The following GLYATL1 variants were observed in gnomAD, a reference collection of about 807,000 sequenced individuals.
GLYATL1 encodes glycine N-acyltransferase-like protein 1.
Under a neutral mutation model 20.0 loss-of-function variants are expected in GLYATL1, and 15 were observed. The observed-to-expected ratio is 0.75, with a 90% CI of 0.50 to 1.15. GLYATL1 has a LOEUF of 1.15. Ranked by LOEUF, GLYATL1 falls within the 50% of genes most tolerant of loss-of-function variation. GLYATL1 has a pLI of 0.00. For missense variants in GLYATL1, 380 were observed against 368.5 expected (o/e 1.03, Z -0.26); for synonymous variants, 151 against 131.5 (o/e 1.15, Z -1.01).
At position 58,955,971 on chromosome 11, in the gene GLYATL1, G is replaced by A. The variant is rs143217514; in HGVS notation, c.853G>A (p.Ala285Thr). Reference sequence around the variant, plus strand: ...TGTGGGGCAGTTTGGTTTCTTTGAGGCCTCCTGTGAGTGGCACCAATGGAC... The same window carrying A: ...TGTGGGGCAGTTTGGTTTCTTTGAGACCTCCTGTGAGTGGCACCAATGGAC... Reference protein sequence around the residue: ...RFVGQFGFFEASCEWHQWTCY... With the variant: ...RFVGQFGFFETSCEWHQWTCY... Residue 285 changes from alanine (A) to threonine (T), a missense_variant, in exon 7 of 7, where the codon GCC (alanine) becomes ACC (threonine). Transcript: ENST00000532726. 2.0e-5 allele frequency: 32 copies of A among 1,613,908 alleles called. No individual in the cohort carries two copies. Among genetic ancestry groups the A allele is most frequent in the Non-Finnish European group, 2.7e-5 (32 of 1,179,918 alleles).
At chr11:58,909,735 T>A (rs1590764699), downstream of GLYATL1, among the ~76,000 whole-genome samples, 1 of 152,318 alleles carries the variant, frequency 6.6e-6, no homozygotes, top group East Asian at 1.9e-4. Flanking sequence ...GGTAGTGTGG[T>A]GCCAAGATCT....
downstream of GLYATL1, among the ~76,000 whole-genome samples, chr11:58,911,667 C>T (rs552630945): frequency 6.6e-6 from 1 of 152,112 alleles, no homozygotes; most frequent in Admixed American, 6.5e-5. Context: ...TTAGTTATAT[C>T]TGAGTTTTGA....
upstream of GLYATL1, among the ~76,000 whole-genome samples, chr11:58,925,083 T>A (rs1855396881): frequency 6.6e-6 from 1 of 152,174 alleles, no homozygotes; most frequent in African/African-American, 2.4e-5. Context: ...TGGCTTGAGT[T>A]TTTTTTCTTT....
intron 1 of GLYATL1, among the ~76,000 whole-genome samples, chr11:58,941,192 C>T: frequency 1.1e-5 from 1 of 95,078 alleles, no homozygotes; most frequent in Non-Finnish European, 2.0e-5. Flanking sequence ...CCTCCCCCCT[C>T]CCCCCACCCC....
downstream of GLYATL1, among the ~76,000 whole-genome samples, chr11:58,909,125 A>G (rs1854978823): frequency 6.6e-6 from 1 of 152,222 alleles, no homozygotes; most frequent in Non-Finnish European, 1.5e-5. Flanking sequence ...AGAGAGAAGA[A>G]TTCTTAATTC....
At chr11:58,937,611 G>A (rs150942350), upstream of GLYATL1, among the ~76,000 whole-genome samples, 1 of 152,036 alleles carries the variant, frequency 6.6e-6, no homozygotes, top group Non-Finnish European at 1.5e-5. Context: ...TTGACTGTTC[G>A]GTCCGTGCCT....
chr11:58,956,219 GGGAGGGTAT>G lies in GLYATL1; in HGVS notation c.*193_*201del. 1.7e-6 allele frequency: 1 copy of G among 600,514 alleles called. No homozygotes were observed. Among genetic ancestry groups the G allele is most frequent in the Non-Finnish European group, 2.9e-6 (1 of 343,112 alleles). The allele number at this position is 600,514 out of a possible 1,614,324, so 37.2% of individuals were successfully genotyped here. A position where few individuals can be genotyped will look rare whatever the true frequency, so the allele number is the denominator to read the frequency against. On this transcript the variant is annotated 3_prime_UTR_variant, in exon 7 of 7. Coordinates refer to ENST00000532726, the MANE Select transcript of GLYATL1 (RefSeq NM_001389712.2). ...AGCTTACAATCCTGGCTGGAGGCAG[GGGAGGGTAT>G]ATTCTTTAAATATGCTTAAGTGTTA...
At chr11:58,948,697 A>G (rs1856762035) in intron 4 of GLYATL1, among the ~76,000 whole-genome samples, 1 of 152,204 alleles carries the variant, frequency 6.6e-6, no homozygotes, top group Admixed American at 6.5e-5. Flanking sequence ...GAAGGGACTC[A>G]TAATTACTGT....
chr11:58,947,369 A>T, intron 3 of GLYATL1: 1 of 660,966 alleles, frequency 1.5e-6, no homozygotes, highest in Non-Finnish European at 2.5e-6. Context: ...AGGTTTTGCC[A>T]CTCATTTGGA....
At chr11:58,947,216 A>G in intron 3 of GLYATL1, 51 bp downstream of exon 3, 1 of 1,579,238 alleles carries the variant, frequency 6.3e-7, no homozygotes, top group Non-Finnish European at 8.6e-7. Flanking sequence ...GTTGAGGATG[A>G]GAAAATAGCA....
chr11:58,906,671 C>G (rs371373601), intron 1 of GLYATL1, among the ~76,000 whole-genome samples: 8 of 152,140 alleles, frequency 5.3e-5, no homozygotes, highest in Non-Finnish European at 8.8e-5. Context: ...TGGTAATTAG[C>G]AAAGATTCAT....
At chr11:58,935,923 A>T (rs1323283269), upstream of GLYATL1, among the ~76,000 whole-genome samples, 1 of 152,226 alleles carries the variant, frequency 6.6e-6, no homozygotes. Flanking sequence ...TATGTCAATT[A>T]TACCTCCATA....
chr11:58,939,340 T>C (rs1390189375), upstream of GLYATL1: 1 of 152,204 alleles, frequency 6.6e-6, no homozygotes, highest in Non-Finnish European at 1.5e-5. Flanking sequence ...CGAGCTTGCA[T>C]CTCCTCTGCT....
rs771130275 is a variant in GLYATL1, at chr11:58,954,783, A to G, written c.200A>G (p.Asp67Gly). The change falls in exon 5 of 7, where the codon GAC becomes GGC. Residue 67 changes from aspartate to glycine, a missense_variant. Asp to Gly is a moderately conservative substitution (Grantham distance 94). Transcript: ENST00000532726. ...IRPQKQEMTD[D>G]MDSYTNVYRM... Reference sequence around the variant, plus strand: ...CATCCAATACAGGAGATGACTGATGACATGGATTCATACACAAACGTATAT... The same window carrying G: ...CATCCAATACAGGAGATGACTGATGGCATGGATTCATACACAAACGTATAT... 5.6e-6 allele frequency: 9 copies of G among 1,605,458 alleles called. No homozygotes were observed. In the East Asian group the frequency reaches 1.6e-4, roughly 28 times the overall value.
intron 4 of GLYATL1, among the ~76,000 whole-genome samples, chr11:58,950,287 G>A (rs533741175): frequency 3.4e-5 from 5 of 149,144 alleles, no homozygotes; most frequent in South Asian, 4.2e-4. Flanking sequence ...GCGAGACTCC[G>A]TCTAAAAAAA....
chr11:58,908,988 C>T (rs1278010130), downstream of GLYATL1, among the ~76,000 whole-genome samples: 1 of 152,172 alleles, frequency 6.6e-6, no homozygotes, highest in Non-Finnish European at 1.5e-5. Flanking sequence ...AAATAACGAA[C>T]TTCAGAGCAA....
At chr11:58,911,064 G>A (rs766751906), downstream of GLYATL1, among the ~76,000 whole-genome samples, 65 of 152,262 alleles carry the variant, frequency 4.3e-4, no homozygotes, top group Non-Finnish European at 8.2e-4. Context: ...CATGTAAATG[G>A]AACATAGACT....
chr11:58,955,184 G>T lies in GLYATL1; in HGVS notation c.322G>T (p.Glu108Ter). The change falls in exon 6 of 7, where the codon GAA (glutamate) becomes TAA (stop). Residue 108 changes from glutamate (E) to a stop codon, truncating the protein, a stop_gained. Coordinates refer to ENST00000532726, the MANE Select transcript of GLYATL1 (RefSeq NM_001389712.2). LOFTEE classifies it high-confidence loss of function. Reference protein sequence around the residue: ...KQRLQIQGLQESLGEGIRVAT... With the variant: ...KQRLQIQGLQ ...CTTGGCTTTCTTCCCAGGTCTTCAAGAAAGTTTAGGTGAGGGGATAAGAGT... is the reference window on the plus strand; with the variant it reads ...CTTGGCTTTCTTCCCAGGTCTTCAATAAAGTTTAGGTGAGGGGATAAGAGT... 1.2e-6 allele frequency: 2 copies of T among 1,612,670 alleles called. No homozygotes were observed. Among genetic ancestry groups the T allele is most frequent in the South Asian group, 1.1e-5 (1 of 90,684 alleles).
At chr11:58,948,568 A>G (rs1323554848) in intron 4 of GLYATL1, among the ~76,000 whole-genome samples, 2 of 152,154 alleles carry the variant, frequency 1.3e-5, no homozygotes, top group African/African-American at 4.8e-5. Flanking sequence ...TGAGCCCCAG[A>G]AGGTCGAGGT....
Sources: gnomAD v4.1 joint callset for allele counts (sites outside exome capture counted in the v4.1 genomes callset) on GRCh38, gnomAD v4.1.1 for gene constraint, MANE v1.5 for transcripts, NCBI Gene and HGNC (gene_info 2026-07-23, HGNC 2026-07-21) for gene names.